The following ZNF423 variants were observed in gnomAD, a reference collection of about 807,000 sequenced individuals.
ZNF423 encodes zinc finger protein 423.
A neutral mutation model predicts 95.8 loss-of-function variants in ZNF423; 12 were observed. That is an observed-to-expected ratio of 0.13 (90% confidence interval 0.08 to 0.20). The LOEUF (loss-of-function observed/expected upper bound fraction) is 0.20. Ranked by LOEUF, ZNF423 falls within the 10% of genes least tolerant of loss-of-function variation. The pLI, the probability that ZNF423 is intolerant of heterozygous loss-of-function variation, is 1.00. For synonymous variants in ZNF423, 749 were observed against 711.9 expected (o/e 1.05, Z -0.83); for missense variants, 1,316 against 1,737.1 (o/e 0.76, Z 4.31).
At chr16:49,624,648 G>A (rs1432213442) in intron 5 of ZNF423, among the ~76,000 whole-genome samples, 1 of 152,202 alleles carries the variant, frequency 6.6e-6, no homozygotes, top group Admixed American at 6.5e-5. Flanking sequence ...AACAGATAAA[G>A]AGTGGTTGGC....
intron 1 of ZNF423, among the ~76,000 whole-genome samples, chr16:49,820,584 C>T (rs774137912): frequency 6.6e-6 from 1 of 152,096 alleles, no homozygotes. Flanking sequence ...GAAATTTTTG[C>T]TCTAAAATAG....
rs939140459 is a variant in ZNF423 at position 49,487,841 on chromosome 16, C to T, written c.*3434G>A. 2 of 152,266 alleles carry T rather than the reference C, an allele frequency of 1.3e-5. No individual in the cohort carries two copies. The highest frequency in any genetic ancestry group is 2.9e-5 in the Non-Finnish European group (2 of 68,062). The allele number at this position is 152,266 out of a possible 1,614,324, so 9.4% of individuals were successfully genotyped here. A position where few individuals can be genotyped will look rare whatever the true frequency, so the allele number is the denominator to read the frequency against. On this transcript the variant is annotated 3_prime_UTR_variant, in exon 8 of 8. Coordinates refer to ENST00000563137, the MANE Select transcript of ZNF423 (RefSeq NM_001379286.1). The stretch of plus-strand genomic sequence containing the variant: ...CCACCTCCCTTATTTCTTCAGGTCT[C>T]AAGCCCCTGCCTCAGCAAGGCCTTC...
upstream of ZNF423, chr16:49,856,212 A>C (rs915584866): frequency 1.8e-4 from 9 of 50,288 alleles, no homozygotes; most frequent in Non-Finnish European, 2.7e-4. Context: ...TCCCTCCCCC[A>C]CCCTACCGCC....
intron 3 of ZNF423, among the ~76,000 whole-genome samples, chr16:49,675,964 A>G (rs912530706): frequency 1.3e-5 from 2 of 152,332 alleles, no homozygotes; most frequent in East Asian, 3.9e-4. Context: ...ACGCACCTGC[A>G]TACATATGCA....
chr16:49,768,467 G>GT (rs2033971002), intron 2 of ZNF423, among the ~76,000 whole-genome samples: 2 of 152,208 alleles, frequency 1.3e-5, no homozygotes, highest in Non-Finnish European at 2.9e-5. Context: ...CAAGGTCACG[G>GT]CACATGTACT....
chr16:49,504,754 A>G (rs1403171945), intron 7 of ZNF423, among the ~76,000 whole-genome samples: 1 of 152,188 alleles, frequency 6.6e-6, no homozygotes, highest in Non-Finnish European at 1.5e-5. Flanking sequence ...ACAACATGCC[A>G]CCAGCTGAGT....
chr16:49,710,167 A>G (rs2032498401), intron 3 of ZNF423, among the ~76,000 whole-genome samples: 1 of 152,222 alleles, frequency 6.6e-6, no homozygotes, highest in South Asian at 2.1e-4. Context: ...GCGAGCCAAA[A>G]GTACAAATAA....
intron 1 of ZNF423, among the ~76,000 whole-genome samples, chr16:49,834,148 G>T (rs902455429): frequency 6.6e-6 from 1 of 152,154 alleles, no homozygotes; most frequent in Non-Finnish European, 1.5e-5. Flanking sequence ...TTAGGGCGAA[G>T]AAAAATCATC....
intron 3 of ZNF423, among the ~76,000 whole-genome samples, chr16:49,673,041 G>T (rs2030885187): frequency 6.6e-6 from 1 of 152,096 alleles, no homozygotes; most frequent in Non-Finnish European, 1.5e-5. Flanking sequence ...GCCCAAGGCG[G>T]TCTCCCACCA....
chr16:49,664,910 G>C (rs2030461582), intron 3 of ZNF423, among the ~76,000 whole-genome samples: 2 of 152,266 alleles, frequency 1.3e-5, no homozygotes, highest in African/African-American at 4.8e-5. Context: ...TTTGTGCTCT[G>C]AACGCCCCTC....
intron 5 of ZNF423, among the ~76,000 whole-genome samples, chr16:49,529,600 C>T (rs1275876554): frequency 6.6e-6 from 1 of 152,024 alleles, no homozygotes; most frequent in Non-Finnish European, 1.5e-5. Context: ...CTGGTACCGA[C>T]TTTTGTCTCC....
intron 1 of ZNF423, among the ~76,000 whole-genome samples, chr16:49,833,478 T>C (rs2035083066): frequency 6.6e-6 from 1 of 152,154 alleles, no homozygotes; most frequent in African/African-American, 2.4e-5. Context: ...GAAAAGAAAC[T>C]CAGCCTGGCC....
rs572598963 is a variant in ZNF423 at position 49,524,118 on chromosome 16, GC to G, written c.3734-380del. On this transcript the variant is annotated intron_variant, in intron 6 of 7. Transcript: ENST00000563137. The stretch of plus-strand genomic sequence containing the variant: ...GTCTTCCTCGTCCCCATCATCAACA[GC>G]CAGACACCTACAGGGGTGAGCTTCT... Among the ~76,000 whole-genome samples the G allele has an allele frequency of 3.2e-3, 490 of 152,282 alleles. 4 individuals carry two copies. Among genetic ancestry groups the G allele is most frequent in the African/African-American group, 0.011 (448 of 41,560 alleles).
At chr16:49,733,259 T>A (rs990932168) in intron 2 of ZNF423, among the ~76,000 whole-genome samples, 3 of 152,208 alleles carry the variant, frequency 2.0e-5, no homozygotes, top group Non-Finnish European at 4.4e-5. Flanking sequence ...GAGCCATAAT[T>A]CTGGCTTTAT....
intron 3 of ZNF423, among the ~76,000 whole-genome samples, chr16:49,671,479 C>T (rs2030805920): frequency 6.6e-6 from 1 of 152,188 alleles, no homozygotes; most frequent in African/African-American, 2.4e-5. Flanking sequence ...CATGGGTGTG[C>T]ATGTGTGCAT....
At chr16:49,744,980 C>T (rs965867582) in intron 2 of ZNF423, among the ~76,000 whole-genome samples, 2 of 152,196 alleles carry the variant, frequency 1.3e-5, no homozygotes, top group Admixed American at 6.5e-5. Flanking sequence ...TCCATTACCG[C>T]AAATGTCTCC....
At chr16:49,825,810 T>A (rs1298152672) in intron 1 of ZNF423, among the ~76,000 whole-genome samples, 2 of 152,194 alleles carry the variant, frequency 1.3e-5, no homozygotes, top group East Asian at 3.9e-4. Context: ...GACCATAACA[T>A]CCAGACCTAA....
At chr16:49,813,079 C>G (rs1444377774) in intron 1 of ZNF423, among the ~76,000 whole-genome samples, 1 of 152,170 alleles carries the variant, frequency 6.6e-6, no homozygotes. Context: ...GTCCACTCCC[C>G]TAGTTGTAGC....
In ZNF423 at chr16:49,515,355, A is replaced by G. The variant is rs1345246013; in HGVS notation, c.3849+8269T>C. 2.0e-5 allele frequency among the ~76,000 whole-genome samples: 3 copies of G among 152,262 alleles called. No homozygotes were observed. The East Asian group carries it at 5.8e-4, about 29-fold the overall frequency. ...AAAATAGTTTCTGGGTCCCCTGACA[A>G]CGAAAGCTTTTTATAGTTCAGCACT... On this transcript the variant is annotated intron_variant, in intron 7 of 7. Transcript: ENST00000563137.
Sources: gnomAD v4.1 joint callset for allele counts (sites outside exome capture counted in the v4.1 genomes callset) on GRCh38, gnomAD v4.1.1 for gene constraint, MANE v1.5 for transcripts, NCBI Gene and HGNC (gene_info 2026-07-23, HGNC 2026-07-21) for gene names.